The following WDR48 variants were observed in gnomAD, a reference collection of about 807,000 sequenced individuals.
WDR48 encodes WD repeat-containing protein 48.
A neutral mutation model predicts 94.0 loss-of-function variants in WDR48; 22 were observed. The ratio of observed to expected loss-of-function variants is 0.23; its 90% confidence interval spans 0.17 to 0.33. The LOEUF is 0.33. WDR48 is among the 10% of genes least tolerant of loss of function. The pLI is 1.00. For missense variants in WDR48, 541 were observed against 813.8 expected (o/e 0.66, Z 4.08); for synonymous variants, 278 against 280.5 (o/e 0.99, Z 0.09).
Position 39,096,188 on chromosome 3 carries a change from T to C in WDR48, c.*1445T>C, listed in dbSNP as rs1164833977. The C allele has an allele frequency of 1.3e-5, 2 of 152,488 alleles. No homozygotes were observed. Among genetic ancestry groups the C allele is most frequent in the African/African-American group, 4.8e-5 (2 of 41,462 alleles). 9.4% of individuals were successfully genotyped at this position (152,488 alleles called of 1,614,324 possible). On this transcript the variant is annotated 3_prime_UTR_variant, in exon 19 of 19. Coordinates refer to ENST00000302313, the MANE Select transcript of WDR48 (RefSeq NM_020839.4). ...TTCCCTCACTGCTAGTCAGCTTCTT[T>C]TGGAAACTGGACAGGCCATTGCCAC...
chr3:39,080,726 G>A (rs1283964228), intron 11 of WDR48, among the ~76,000 whole-genome samples: 10 of 152,204 alleles, frequency 6.6e-5, no homozygotes, highest in South Asian at 2.1e-4. Context: ...GGAGAGCTTC[G>A]TGGTGGAGAA....
intron 2 of WDR48, among the ~76,000 whole-genome samples, chr3:39,064,957 C>A (rs954233176): frequency 6.6e-6 from 1 of 152,128 alleles, no homozygotes; most frequent in African/African-American, 2.4e-5. Flanking sequence ...AGAAAAACAC[C>A]CAAAAGAACT....
At chr3:39,059,220 G>A (rs1355313878) in intron 1 of WDR48, among the ~76,000 whole-genome samples, 1 of 152,198 alleles carries the variant, frequency 6.6e-6, no homozygotes, top group Non-Finnish European at 1.5e-5. Context: ...AAGAGTAAGG[G>A]TGAGTTAGAC....
Position 39,065,849 on chromosome 3 carries a change from T to C in WDR48, c.228T>C (p.Asp76=), listed in dbSNP as rs957549212. The C allele has an allele frequency of 3.1e-6, 5 of 1,609,028 alleles. No individual in the cohort carries two copies. The highest frequency in any genetic ancestry group is 1.7e-5 in the Admixed American group (1 of 59,054). Residue 76 remains aspartate (D), a synonymous_variant, in exon 3 of 19, where the codon GAT becomes GAC. Coordinates refer to ENST00000302313, the MANE Select transcript of WDR48 (RefSeq NM_020839.4). ...PYIASMEHHT[D]WVNDIVLCCN... ...TAGCATCTATGGAACACCATACTGA[T>C]TGGGTAAACGACATTGTACTCTGTT...
chr3:39,094,497 G>C, intron 18 of WDR48, 151 bp from the exon 19 acceptor site: 1 of 1,535,744 alleles, frequency 6.5e-7, no homozygotes, highest in Non-Finnish European at 8.7e-7. Flanking sequence ...TTTCATTCCC[G>C]CATGCATGGA....
In WDR48 at chr3:39,089,251, G is replaced by A; in HGVS notation, c.1601G>A (p.Gly534Glu). The change falls in exon 16 of 19, where the codon GGG (glycine) becomes GAG (glutamate). Residue 534 changes from glycine (G) to glutamate (E), a missense_variant. Gly to Glu is a moderately conservative substitution (Grantham distance 98). Transcript: ENST00000302313. ...TTTAGGCTGCTCTGCCGAGATTCCG[G>A]GGGTGAGACTGAGTCTATGCTTCTT... ...TLFRLLCRDS[G>E]GETESMLLNE... 1 of 1,613,292 alleles carries A rather than the reference G, an allele frequency of 6.2e-7. No individual in the cohort carries two copies. The highest frequency in any genetic ancestry group is 8.5e-7 in the Non-Finnish European group (1 of 1,179,620).
intron 12 of WDR48, 32 bp from the exon 13 acceptor site, chr3:39,084,613 A>G (rs757565799): frequency 6.3e-6 from 10 of 1,579,138 alleles, no homozygotes; most frequent in Non-Finnish European, 6.1e-6. Context: ...ATATATTCAA[A>G]TGGGATGCCA....
At chr3:39,062,774 T>C (rs914350132) in intron 1 of WDR48, among the ~76,000 whole-genome samples, 2 of 152,188 alleles carry the variant, frequency 1.3e-5, no homozygotes, top group African/African-American at 2.4e-5. Flanking sequence ...CTCTAGCTGC[T>C]TTGTGAAAAA....
At chr3:39,065,647 T>C (rs2125646197) in intron 2 of WDR48, 164 bp from the exon 3 acceptor site, 1 of 471,064 alleles carries the variant, frequency 2.1e-6, no homozygotes, top group Non-Finnish European at 3.7e-6. Context: ...ACATCTGTTA[T>C]CTGGAAGCAT....
intron 7 of WDR48, among the ~76,000 whole-genome samples, chr3:39,070,836 C>T (rs557666451): frequency 6.6e-6 from 1 of 152,102 alleles, no homozygotes; most frequent in African/African-American, 2.4e-5. Context: ...ATGCTATCCC[C>T]CCACCCCCAC....
At chr3:39,065,935 GT>G (rs768657782) in intron 3 of WDR48, 46 bp downstream of exon 3, 2 of 1,447,902 alleles carry the variant, frequency 1.4e-6, no homozygotes, top group Non-Finnish European at 1.9e-6. Flanking sequence ...TATATTTTTT[GT>G]TTTTTATATA....
At chr3:39,075,031 A>G in intron 8 of WDR48, 81 bp downstream of exon 8, 1 of 1,359,322 alleles carries the variant, frequency 7.4e-7, no homozygotes, top group East Asian at 2.5e-5. Context: ...CTATATTAAA[A>G]CATGACTCAA....
rs547639475 is a variant in WDR48 at position 39,094,187 on chromosome 3, C to G, written c.1938+121C>G. The G allele has an allele frequency of 1.0e-3, 1,482 of 1,467,418 alleles. 1 individual carries two copies. The highest frequency in any genetic ancestry group is 1.1e-3 in the Non-Finnish European group (1,188 of 1,113,598). 90.9% of individuals were successfully genotyped at this position (1,467,418 alleles called of 1,614,324 possible). ...GGCTCTAAGGAGCCCTGGGCCTCTC[C>G]TACCTAAAGCCCACCCTAAAGCTCC... On this transcript the variant is annotated intron_variant, in intron 18 of 18. Coordinates refer to ENST00000302313, the MANE Select transcript of WDR48 (RefSeq NM_020839.4).
In WDR48 at chr3:39,057,915, G is replaced by T. The variant is rs761712712; in HGVS notation, c.49-5135G>T. Among the ~76,000 whole-genome samples the T allele has an allele frequency of 2.0e-5, 3 of 152,294 alleles. No homozygotes were observed. The South Asian group carries it at 6.2e-4, about 32-fold the overall frequency. On this transcript the variant is annotated intron_variant, in intron 1 of 18. Transcript: ENST00000302313. Reference sequence around the variant, plus strand: ...ATTACAGGCATGAGCCACTGCGCCTGGCCCCTGGTTATTTTTATATATGTA... The same window carrying T: ...ATTACAGGCATGAGCCACTGCGCCTTGCCCCTGGTTATTTTTATATATGTA...
Position 39,074,967 on chromosome 3 carries a change from T to C in WDR48, c.897+17T>C. On this transcript the variant is annotated intron_variant, in intron 8 of 18. Transcript: ENST00000302313. ...GTTCTCAAGGTATGTCATATGTTAA[T>C]ATTTTAGTTTTATAATTAAGGTTGT... is the stretch of plus-strand genomic sequence containing the variant. 1 of 1,609,990 alleles carries C rather than the reference T, an allele frequency of 6.2e-7. No individual in the cohort carries two copies. Among genetic ancestry groups the C allele is most frequent in the Non-Finnish European group, 8.5e-7 (1 of 1,177,930 alleles).
In WDR48 at chr3:39,077,150, T is replaced by C. The variant is rs1347847272; in HGVS notation, c.909T>C (p.Asp303=). 2 of 1,614,168 alleles carry C rather than the reference T, an allele frequency of 1.2e-6. No homozygotes were observed. The highest frequency in any genetic ancestry group is 2.2e-5 in the East Asian group (1 of 44,872). ...TGCTTTGTTTTCAGATGGAGCTTGA[T>C]AGATCAGCTGATCCTCCTCCTGCAA... is the stretch of plus-strand genomic sequence containing the variant. ...EKAPVLKMEL[D]RSADPPPAIW... Residue 303 remains aspartate, a synonymous_variant, in exon 9 of 19, where the codon GAT becomes GAC. Coordinates refer to ENST00000302313, the MANE Select transcript of WDR48 (RefSeq NM_020839.4).
intron 8 of WDR48, 32 bp from the exon 9 acceptor site, chr3:39,077,107 C>T (rs1402910731): frequency 6.2e-7 from 1 of 1,611,612 alleles, no homozygotes; most frequent in Admixed American, 1.7e-5. Flanking sequence ...GTTGACATTC[C>T]ACAAAGCAAT....
intron 6 of WDR48, 127 bp from the exon 7 acceptor site, chr3:39,069,516 T>C (rs907138683): frequency 1.1e-5 from 8 of 755,252 alleles, no homozygotes; most frequent in Admixed American, 2.7e-5. Flanking sequence ...TTAGACAGTG[T>C]CCATTGGCAG....
chr3:39,071,795 G>A (rs2033948804), intron 7 of WDR48, among the ~76,000 whole-genome samples: 1 of 152,030 alleles, frequency 6.6e-6, no homozygotes, highest in African/African-American at 2.4e-5. Flanking sequence ...GCATATTTAC[G>A]TTAGTGAATT....
Sources: allele counts gnomAD v4.1 joint callset (sites outside exome capture counted in the v4.1 genomes callset), GRCh38; gene constraint gnomAD v4.1.1; transcripts MANE v1.5; gene names NCBI Gene and HGNC (gene_info 2026-07-23, HGNC 2026-07-21).